The following DYNC2H1 variants were observed in gnomAD, a reference collection of about 807,000 sequenced individuals.
DYNC2H1 encodes the protein cytoplasmic dynein 2 heavy chain 1.
In DYNC2H1, 410 loss-of-function variants were observed where a neutral mutation model predicts 570.0. That is an observed-to-expected ratio of 0.72 (90% confidence interval 0.66 to 0.78). DYNC2H1 has a LOEUF of 0.78. Among genes scored for constraint, DYNC2H1 ranks in the 30% least tolerant of loss-of-function variants. The probability of loss-of-function intolerance (pLI) is 0.00; values close to 1 mark genes in which losing one functional copy is unlikely to be tolerated. For missense variants in DYNC2H1, 4,865 were observed against 5,046.4 expected, an observed-to-expected ratio of 0.96 and a Z score of 1.09; for synonymous variants, 1,688 against 1,677.6, an observed-to-expected ratio of 1.01 and a Z score of -0.15.
chr11:103,165,555 T>A (rs539607810), intron 30 of DYNC2H1, among the ~76,000 whole-genome samples: 125 of 152,364 alleles, frequency 8.2e-4, no homozygotes, highest in African/African-American at 3.0e-3. Context: ...TACTTTGATA[T>A]CTTTGTAGTT....
chr11:103,347,953 A>G (rs1223396515), intron 82 of DYNC2H1, among the ~76,000 whole-genome samples: 1 of 152,190 alleles, frequency 6.6e-6, no homozygotes, highest in Admixed American at 6.5e-5. Context: ...AAACTAACCT[A>G]CACTGAGAAA....
In DYNC2H1 at chr11:103,241,383, A is replaced by G. The variant is rs1864416927; in HGVS notation, c.9820-2310A>G. ...ATGGAATACAGAGATAAAATGTACC[A>G]TAGAAATCTTATCTAAATCTGTCTG... On this transcript the variant is annotated intron_variant, in intron 63 of 88. Transcript: ENST00000375735. The surrounding 1 kb of genome is among the most constrained non-coding windows in gnomAD (Gnocchi z 5.1). 1 of 661,564 alleles carries G rather than the reference A, an allele frequency of 1.5e-6. No homozygotes were observed. The highest frequency in any genetic ancestry group is 1.8e-5 in the South Asian group (1 of 54,702). The allele number at this position is 661,564 out of a possible 1,614,324, so 41.0% of individuals were successfully genotyped here.
At chr11:103,251,609 C>T (rs1327667907) in intron 65 of DYNC2H1, among the ~76,000 whole-genome samples, 1 of 152,078 alleles carries the variant, frequency 6.6e-6, no homozygotes, top group Non-Finnish European at 1.5e-5. Flanking sequence ...ACCTACAGTC[C>T]TCATGTTGTA....
rs1003817962 is a variant in DYNC2H1, at chr11:103,203,675, G to C, written c.8210G>C (p.Gly2737Ala). ...TATTTTTCTGTAGGTGAAGTTCCTGGACTCTATACTCTTGAAGAATTAGAG... is the reference window on the plus strand; with the variant it reads ...TATTTTTCTGTAGGTGAAGTTCCTGCACTCTATACTCTTGAAGAATTAGAG... ...NSLLSSGEVPGLYTLEELEPL... is the reference protein window; with the variant it reads ...NSLLSSGEVPALYTLEELEPL... The change falls in exon 51 of 89, where the codon GGA becomes GCA. Residue 2737 changes from glycine to alanine, a missense_variant. Around this residue, in one of 5 missense-constraint regions of DYNC2H1, gnomAD observed 2,401 missense variants for 2,454.6 expected, o/e 0.98. Transcript: ENST00000375735. This position sits in a 1 kb window ranked among gnomAD's most constrained non-coding sequence, Gnocchi z 4.7. The C allele has an allele frequency of 6.2e-7, 1 of 1,603,050 alleles. No individual in the cohort carries two copies. Among genetic ancestry groups the C allele is most frequent in the Non-Finnish European group, 8.5e-7 (1 of 1,175,982 alleles).
chr11:103,249,898 TC>T lies in DYNC2H1; in HGVS notation c.10043-3386del, dbSNP rs1864763660. Reference sequence around the variant, plus strand: ...AGATACTAAACCATTGTTTGCTCTTTCTGATCACACCCAATTCCCAGGAAAA... The same window carrying T: ...AGATACTAAACCATTGTTTGCTCTTTTGATCACACCCAATTCCCAGGAAAA... On this transcript the variant is annotated intron_variant, in intron 65 of 88. Coordinates refer to ENST00000375735, the MANE Select transcript of DYNC2H1 (RefSeq NM_001377.3). The surrounding 1 kb of genome is among the most constrained non-coding windows in gnomAD (Gnocchi z 4.6). 6.6e-6 allele frequency among the ~76,000 whole-genome samples: 1 copy of T among 152,082 alleles called. No individual in the cohort carries two copies. The highest frequency in any genetic ancestry group is 1.5e-5 in the Non-Finnish European group (1 of 67,968).
intron 17 of DYNC2H1, among the ~76,000 whole-genome samples, chr11:103,142,459 C>T (rs1468124426): frequency 2.0e-5 from 3 of 152,062 alleles, no homozygotes; most frequent in African/African-American, 4.8e-5. Context: ...CATTTGAGGT[C>T]AGGAGTTTGA....
intron 85 of DYNC2H1, among the ~76,000 whole-genome samples, chr11:103,451,920 T>C (rs961468572): frequency 2.6e-5 from 4 of 152,082 alleles, no homozygotes; most frequent in Non-Finnish European, 5.9e-5. Context: ...GTTTTAATGG[T>C]ATATATATAG....
Position 103,395,778 on chromosome 11 carries a change from G to A in DYNC2H1, c.12157-3885G>A, listed in dbSNP as rs1338991030. ...CAATTCAAGTTGCAAATTAATTTGTGGAACTGAGTTGAATCAACTCTTCCA... is the reference window on the plus strand; with the variant it reads ...CAATTCAAGTTGCAAATTAATTTGTAGAACTGAGTTGAATCAACTCTTCCA... On this transcript the variant is annotated intron_variant, in intron 83 of 88. Coordinates refer to ENST00000375735, the MANE Select transcript of DYNC2H1 (RefSeq NM_001377.3). This position sits in a 1 kb window ranked among gnomAD's most constrained non-coding sequence, Gnocchi z 4.3. Among the ~76,000 whole-genome samples, 1 of 152,110 alleles carries A rather than the reference G, an allele frequency of 6.6e-6. No individual in the cohort carries two copies. Among genetic ancestry groups the A allele is most frequent in the African/African-American group, 2.4e-5 (1 of 41,424 alleles).
At chr11:103,282,157 T>C (rs372725212) in intron 71 of DYNC2H1, 22 bp from the exon 72 acceptor site, 3 of 1,599,238 alleles carry the variant, frequency 1.9e-6, no homozygotes, top group Non-Finnish European at 2.6e-6. Context: ...TATTTTTGTG[T>C]TCCTATATTT....
chr11:103,318,334 G>C (rs1417122332), intron 80 of DYNC2H1, among the ~76,000 whole-genome samples: 1 of 152,030 alleles, frequency 6.6e-6, no homozygotes, highest in African/African-American at 2.4e-5. Flanking sequence ...CTGTTCCTGA[G>C]GTAGACACCA....
chr11:103,176,992 C>G (rs976723978), intron 37 of DYNC2H1, among the ~76,000 whole-genome samples: 6 of 152,170 alleles, frequency 3.9e-5, no homozygotes. Flanking sequence ...AGGCCTGAGC[C>G]ACCGCATCTG....
intron 84 of DYNC2H1, among the ~76,000 whole-genome samples, chr11:103,420,592 G>T (rs1397423643): frequency 2.0e-5 from 3 of 152,260 alleles, no homozygotes; most frequent in South Asian, 2.1e-4. Flanking sequence ...TTAAAGAAAA[G>T]AATATTTAAC....
Position 103,399,695 on chromosome 11 carries a change from T to A in DYNC2H1, c.12189T>A (p.Pro4063=). Residue 4063 remains proline (P), a synonymous_variant, in exon 84 of 89, where the codon CCT becomes CCA. Transcript: ENST00000375735. ...ACCTAATACATCAGAAAGTGCCTCC[T>A]CCTAACGATCGACAAGGATCTCCAA... ...NSNLIHQKVP[P]PNDRQGSPIL... The A allele has an allele frequency of 1.9e-6, 3 of 1,613,604 alleles. No individual in the cohort carries two copies. The highest frequency in any genetic ancestry group is 2.5e-6 in the Non-Finnish European group (3 of 1,179,714).
intron 83 of DYNC2H1, among the ~76,000 whole-genome samples, chr11:103,361,489 C>T (rs908346506): frequency 9.9e-6 from 1 of 100,888 alleles, no homozygotes; most frequent in African/African-American, 2.7e-5. Flanking sequence ...CAGACTAAGA[C>T]AGGGATAAGG....
At chr11:103,294,438 C>T (rs1252380712) in intron 75 of DYNC2H1, among the ~76,000 whole-genome samples, 1 of 152,296 alleles carries the variant, frequency 6.6e-6, no homozygotes, top group East Asian at 1.9e-4. Flanking sequence ...CTATTGGGAA[C>T]CCTAAGCCCA....
rs1371949611 is a variant in DYNC2H1, at chr11:103,420,116, T to C, written c.12367-15827T>C. 2.6e-5 allele frequency among the ~76,000 whole-genome samples: 4 copies of C among 151,418 alleles called. No individual in the cohort carries two copies. The East Asian group carries it at 7.8e-4, about 29-fold the overall frequency. On this transcript the variant is annotated intron_variant, in intron 84 of 88. Coordinates refer to ENST00000375735, the MANE Select transcript of DYNC2H1 (RefSeq NM_001377.3). ...AGAATGGAAAGGAATGAATAAAACCTCCGAGAAATATGGGGCTATGTAAAG... is the reference window on the plus strand; with the variant it reads ...AGAATGGAAAGGAATGAATAAAACCCCCGAGAAATATGGGGCTATGTAAAG...
In DYNC2H1 at chr11:103,241,606, T is replaced by C. The variant is rs2135218444; in HGVS notation, c.9820-2087T>C. On this transcript the variant is annotated intron_variant, in intron 63 of 88. Coordinates refer to ENST00000375735, the MANE Select transcript of DYNC2H1 (RefSeq NM_001377.3). This position sits in a 1 kb window ranked among gnomAD's most constrained non-coding sequence, Gnocchi z 5.1. ...TTTGTAGTTAGGCAAAATGCAGAAT[T>C]GTGAAATGTGTGCTATTGAATGCTA... 7.3e-7 allele frequency: 1 copy of C among 1,372,182 alleles called. No individual in the cohort carries two copies. The highest frequency in any genetic ancestry group is 1.0e-6 in the Non-Finnish European group (1 of 987,914). The allele number at this position is 1,372,182 out of a possible 1,614,324, so 85.0% of individuals were successfully genotyped here. A position where few individuals can be genotyped will look rare whatever the true frequency, so the allele number is the denominator to read the frequency against.
In DYNC2H1 at chr11:103,117,680, G is replaced by C; in HGVS notation, c.816G>C (p.Leu272=). Residue 272 remains leucine (L), a synonymous_variant, in exon 6 of 89, where the codon CTG becomes CTC. Coordinates refer to ENST00000375735, the MANE Select transcript of DYNC2H1 (RefSeq NM_001377.3). ...FVQKKLGTLN[L]WEDPYYLVKE... is the part of the protein sequence containing the mutation. ...AGAAAAAGTTGGGAACTTTGAACCTGTGGGAAGATCCTTATTATCTTGTGA... is the reference window on the plus strand; with the variant it reads ...AGAAAAAGTTGGGAACTTTGAACCTCTGGGAAGATCCTTATTATCTTGTGA... 6 of 1,611,442 alleles carry C rather than the reference G, an allele frequency of 3.7e-6. No homozygotes were observed. The highest frequency in any genetic ancestry group is 4.2e-6 in the Non-Finnish European group (5 of 1,178,330).
At chr11:103,306,748 C>G (rs949397558) in intron 77 of DYNC2H1, among the ~76,000 whole-genome samples, 1 of 152,076 alleles carries the variant, frequency 6.6e-6, no homozygotes, top group Non-Finnish European at 1.5e-5. Flanking sequence ...AATTTTTAGA[C>G]TTCATTCTCT....
Sources: gnomAD v4.1 joint callset for allele counts (sites outside exome capture counted in the v4.1 genomes callset) on GRCh38, gnomAD v4.1.1 for gene constraint, gnomAD v4.1.1 regional missense constraint, Gnocchi (gnomAD v3.1) non-coding constraint, MANE v1.5 for transcripts, NCBI Gene and HGNC (gene_info 2026-07-23, HGNC 2026-07-21) for gene names.